Variants in APC observed in about 807,000 individuals in gnomAD.
The protein encoded by APC is adenomatous polyposis coli protein.
Under a neutral mutation model 247.0 loss-of-function variants are expected in APC, and 72 were observed. The observed-to-expected ratio is 0.29, with a 90% CI of 0.24 to 0.35. The LOEUF (loss-of-function observed/expected upper bound fraction) is 0.35, where lower values mean the gene tolerates loss of function less well. APC is among the 10% of genes least tolerant of loss of function. The pLI, the probability that APC is intolerant of heterozygous loss-of-function variation, is 1.00. For synonymous variants in APC, 1,254 were observed against 1,162.5 expected, an observed-to-expected ratio of 1.08 and a Z score of -1.60; for missense variants, 3,400 against 3,360.7, an observed-to-expected ratio of 1.01 and a Z score of -0.29.
At chr5:112,829,145 A>T in intron 14 of APC, 173 bp downstream of exon 14, 1 of 553,732 alleles carries the variant, frequency 1.8e-6, no homozygotes, top group Non-Finnish European at 3.3e-6. Context: ...GAGATTCCCT[A>T]ATTTCTTTTT....
intron 1 of APC, among the ~76,000 whole-genome samples, chr5:112,725,331 G>C (rs1375284914): frequency 6.6e-6 from 1 of 152,190 alleles, no homozygotes; most frequent in African/African-American, 2.4e-5. Flanking sequence ...CCAGGCAGTT[G>C]TTAAAGATTT....
Position 112,837,923 on chromosome 5 carries a change from G to A in APC, c.2329G>A (p.Asp777Asn), listed in dbSNP as rs1176994439. The A allele has an allele frequency of 6.2e-7, 1 of 1,614,036 alleles. No individual in the cohort carries two copies. Among genetic ancestry groups the A allele is most frequent in the Non-Finnish European group, 8.5e-7 (1 of 1,179,992 alleles). ...CTTATCAGAAACTTTTGACAATATA[G>A]ACAATTTAAGTCCCAAGGCATCTCA... ...QHLSETFDNIDNLSPKASHRS... is the reference protein window; with the variant it reads ...QHLSETFDNINNLSPKASHRS... The change falls in exon 16 of 16, where the codon GAC becomes AAC. Residue 777 changes from aspartate (D) to asparagine (N), a missense_variant. Transcript: ENST00000257430.
intron 6 of APC, among the ~76,000 whole-genome samples, chr5:112,790,250 A>G (rs1297959010): frequency 6.6e-6 from 1 of 152,126 alleles, no homozygotes; most frequent in African/African-American, 2.4e-5. Flanking sequence ...GAAAAGAGGG[A>G]GAAAATTAAG....
intron 6 of APC, among the ~76,000 whole-genome samples, chr5:112,782,528 G>A (rs1758461250): frequency 6.6e-6 from 1 of 152,118 alleles, no homozygotes; most frequent in African/African-American, 2.4e-5. Flanking sequence ...GAGGTTGGGG[G>A]CTTAACTAGT....
chr5:112,733,498 ATTGC>A (rs535157289), upstream of APC, among the ~76,000 whole-genome samples: 215 of 152,308 alleles, frequency 1.4e-3, no homozygotes, highest in Admixed American at 2.5e-3. Flanking sequence ...TCAGTCCACC[ATTGC>A]TTGCTCTGAA....
chr5:112,841,197 A>C lies in APC; in HGVS notation c.5603A>C (p.Asp1868Ala), dbSNP rs781026376. The C allele has an allele frequency of 6.2e-7, 1 of 1,613,766 alleles. No individual in the cohort carries two copies. Among genetic ancestry groups the C allele is most frequent in the Non-Finnish European group, 8.5e-7 (1 of 1,179,726 alleles). ...RNDSLSSLDF[D>A]DDDVDLSREK... ...GATTCTTTGAGTTCTCTAGATTTTG[A>C]TGATGATGATGTTGACCTTTCCAGG... Residue 1868 changes from aspartate (D) to alanine (A), a missense_variant, in exon 16 of 16, where the codon GAT becomes GCT. By Grantham distance (126) the Asp-to-Ala change is moderately radical. Transcript: ENST00000257430. This position sits in a 1 kb window ranked among gnomAD's most constrained non-coding sequence, Gnocchi z 4.6.
intron 9 of APC, 123 bp from the exon 10 acceptor site, chr5:112,818,843 T>TTTG: frequency 3.3e-6 from 3 of 910,644 alleles, no homozygotes; most frequent in East Asian, 3.0e-5. Flanking sequence ...TGTTTTTTTT[T>TTTG]TGGCGGGGGG....
chr5:112,800,508 TTTAA>T (rs1275051391), intron 7 of APC, among the ~76,000 whole-genome samples: 28 of 152,322 alleles, frequency 1.8e-4, no homozygotes, highest in African/African-American at 5.1e-4. Flanking sequence ...CATTTTGTAA[TTTAA>T]TTATCCACTG....
rs1580649249 is a variant in APC, at chr5:112,840,116, G to T, written c.4522G>T (p.Ala1508Ser). 1 of 1,614,110 alleles carries T rather than the reference G, an allele frequency of 6.2e-7. No individual in the cohort carries two copies. The highest frequency in any genetic ancestry group is 8.5e-7 in the Non-Finnish European group (1 of 1,180,018). Residue 1508 changes from alanine to serine, a missense_variant, in exon 16 of 16, where the codon GCT (alanine) becomes TCT (serine). Transcript: ENST00000257430. The surrounding 1 kb of genome is among the most constrained non-coding windows in gnomAD (Gnocchi z 4.1). ...ATTTTCTTGTTCATCCAGCCTGAGT[G>T]CTCTGAGCCTCGATGAGCCATTTAT... is the stretch of plus-strand genomic sequence containing the variant. ...DGFSCSSSLSALSLDEPFIQK... is the reference protein window; with the variant it reads ...DGFSCSSSLSSLSLDEPFIQK...
intron 1 of APC, among the ~76,000 whole-genome samples, chr5:112,739,736 C>G (rs1752775604): frequency 6.6e-6 from 1 of 152,084 alleles, no homozygotes; most frequent in African/African-American, 2.4e-5. Flanking sequence ...TTTTTAAAAT[C>G]TGATGGAAAC....
rs367782881 is a variant in APC at position 112,839,794 on chromosome 5, G to A, written c.4200G>A (p.Ser1400=). 2.4e-5 allele frequency: 39 copies of A among 1,613,944 alleles called. No individual in the cohort carries two copies. Among genetic ancestry groups the A allele is most frequent in the African/African-American group, 5.3e-5 (4 of 74,896 alleles). ...CACTTGATAGTTTTGAGAGTCGTTC[G>A]ATTGCCAGCTCCGTTCAGAGTGAAC... is the stretch of plus-strand genomic sequence containing the variant. ...VSSLDSFESR[S]IASSVQSEPC... is the part of the protein sequence containing the mutation. The change falls in exon 16 of 16, where the codon TCG becomes TCA. Residue 1400 remains serine, a synonymous_variant. Coordinates refer to ENST00000257430, the MANE Select transcript of APC (RefSeq NM_000038.6). The surrounding 1 kb of genome is among the most constrained non-coding windows in gnomAD (Gnocchi z 5.0).
intron 1 of APC, among the ~76,000 whole-genome samples, chr5:112,712,497 C>T (rs184553704): frequency 5.3e-4 from 81 of 152,092 alleles, no homozygotes; most frequent in African/African-American, 1.9e-3. Flanking sequence ...AGCAGTCCTC[C>T]CATCTCAGCC....
rs786201421 is a variant in APC at position 112,843,802 on chromosome 5, T to C, written c.8208T>C (p.Thr2736=). 1.2e-6 allele frequency: 2 copies of C among 1,614,030 alleles called. No individual in the cohort carries two copies. Among genetic ancestry groups the C allele is most frequent in the Non-Finnish European group, 1.7e-6 (2 of 1,179,932 alleles). The stretch of plus-strand genomic sequence containing the variant: ...TGGATGCCCCTGACCAAAAAGGAAC[T>C]GAGATAAAACCAGGACAAAATAATC... The part of the protein sequence containing the change: ...IQVDAPDQKG[T]EIKPGQNNPV... The change falls in exon 16 of 16, where the codon ACT becomes ACC. Residue 2736 remains threonine (T), a synonymous_variant. Coordinates refer to ENST00000257430, the MANE Select transcript of APC (RefSeq NM_000038.6). The surrounding 1 kb of genome is among the most constrained non-coding windows in gnomAD (Gnocchi z 4.8).
rs1554083526 is a variant in APC at position 112,836,165 on chromosome 5, T to TTCCCCCCCCCCCCCCCCCC, written c.1958+1000_1958+1001insTCCCCCCCCCCCCCCCCCC. Among the ~76,000 whole-genome samples, 59 of 24,490 alleles carry TTCCCCCCCCCCCCCCCCCC rather than the reference T, an allele frequency of 2.4e-3. 15 individuals carry two copies. The East Asian group carries it at 0.025, about 10-fold the overall frequency. The allele number at this position is 24,490 out of a possible 152,430, so 16.1% of individuals were successfully genotyped here. A position where few individuals can be genotyped will look rare whatever the true frequency, so the allele number is the denominator to read the frequency against. On this transcript the variant is annotated intron_variant, in intron 15 of 15. Transcript: ENST00000257430. ...CCTCCCGAGTAGCTGGGATTACAGG[T>TTCCCCCCCCCCCCCCCCCC]CCCCCCCCCCCCCCGCCACCGTGCC...
At chr5:112,801,202 A>G in intron 7 of APC, 77 bp from the exon 8 acceptor site, 1 of 1,208,176 alleles carries the variant, frequency 8.3e-7, no homozygotes, top group South Asian at 1.3e-5. Context: ...GCTTTAAAGC[A>G]AAAAAAGAAA....
In APC at chr5:112,837,786, C is replaced by G. The variant is rs1554084002; in HGVS notation, c.2192C>G (p.Ala731Gly). ...GSAAALRNLM[A>G]NRPAKYKDAN... The stretch of plus-strand genomic sequence containing the variant: ...GCTGCAGCTTTAAGGAATCTCATGG[C>G]AAATAGGCCTGCGAAGTACAAGGAT... Residue 731 changes from alanine to glycine, a missense_variant, in exon 16 of 16, where the codon GCA (alanine) becomes GGA (glycine). Coordinates refer to ENST00000257430, the MANE Select transcript of APC (RefSeq NM_000038.6). 6.2e-7 allele frequency: 1 copy of G among 1,614,004 alleles called. No homozygotes were observed. The highest frequency in any genetic ancestry group is 8.5e-7 in the Non-Finnish European group (1 of 1,180,012).
chr5:112,773,177 T>C (rs1049119355), intron 4 of APC, among the ~76,000 whole-genome samples: 1 of 152,178 alleles, frequency 6.6e-6, no homozygotes, highest in African/African-American at 2.4e-5. Flanking sequence ...TTATTTCTTA[T>C]TTTTTAAGTT....
Position 112,771,426 on chromosome 5 carries a change from T to C in APC, c.422+4036T>C, listed in dbSNP as rs983485081. Among the ~76,000 whole-genome samples, 3 of 152,204 alleles carry C rather than the reference T, an allele frequency of 2.0e-5. No homozygotes were observed. In the South Asian group the frequency reaches 6.2e-4, roughly 32 times the overall value. On this transcript the variant is annotated intron_variant, in intron 4 of 15. Transcript: ENST00000257430. Reference sequence around the variant, plus strand: ...CACTGTTGTCATTATGCTTCCCATTTAGGTCTAATATGTTTGGGTGTTCTT... The same window carrying C: ...CACTGTTGTCATTATGCTTCCCATTCAGGTCTAATATGTTTGGGTGTTCTT...
In APC at chr5:112,843,474, C is replaced by T. The variant is rs767337020; in HGVS notation, c.7880C>T (p.Ser2627Phe). Residue 2627 changes from serine (S) to phenylalanine (F), a missense_variant, in exon 16 of 16, where the codon TCT becomes TTT. Around this residue, in one of 9 missense-constraint regions of APC, gnomAD observed 1,788 missense variants for 1,649.5 expected, o/e 1.08. Transcript: ENST00000257430. The surrounding 1 kb of genome is among the most constrained non-coding windows in gnomAD (Gnocchi z 4.8). ...GAATTTTCTCCCACAAATAGTACTT[C>T]TCAGACCGTTTCCTCAGGTGCTACA... ...ENEFSPTNSTSQTVSSGATNG... is the reference protein window; with the variant it reads ...ENEFSPTNSTFQTVSSGATNG... The T allele has an allele frequency of 6.2e-7, 1 of 1,613,984 alleles. No individual in the cohort carries two copies. The highest frequency in any genetic ancestry group is 8.5e-7 in the Non-Finnish European group (1 of 1,179,848).
Sources: allele counts gnomAD v4.1 joint callset (sites outside exome capture counted in the v4.1 genomes callset), GRCh38; gene constraint gnomAD v4.1.1; regional missense constraint gnomAD v4.1.1; non-coding constraint Gnocchi (gnomAD v3.1); transcripts MANE v1.5; gene names NCBI Gene and HGNC (gene_info 2026-07-23, HGNC 2026-07-21).